The following FYB1 variants were observed in gnomAD, a reference collection of about 807,000 sequenced individuals.
FYB1 encodes FYN-binding protein 1.
FYB1 carries 41 observed loss-of-function variants against 94.1 expected under a neutral mutation model. The observed-to-expected ratio is 0.44, with a 90% CI of 0.34 to 0.57. FYB1 has a LOEUF of 0.57. FYB1 is among the 20% of genes least tolerant of loss of function. FYB1 has a pLI of 0.02. For missense variants in FYB1, 1,050 were observed against 976.8 expected, an observed-to-expected ratio of 1.07 and a Z score of -1.00; for synonymous variants, 367 against 353.2, an observed-to-expected ratio of 1.04 and a Z score of -0.44.
chr5:39,136,143 C>T (rs55701956), intron 7 of FYB1, among the ~76,000 whole-genome samples: 25,344 of 152,048 alleles, frequency 0.17, 2,505 homozygotes, highest in Non-Finnish European at 0.22. Context: ...GATCTCAGCT[C>T]ACTGCAAGCT....
intron 14 of FYB1, 57 bp from the exon 15 acceptor site, chr5:39,119,691 G>C (rs1739908324): frequency 7.2e-7 from 1 of 1,389,556 alleles, no homozygotes; most frequent in Non-Finnish European, 9.4e-7. Context: ...AAAAAGAATA[G>C]TCCATAACAG....
chr5:39,129,519 A>T (rs1269445875), intron 10 of FYB1, among the ~76,000 whole-genome samples: 1 of 152,086 alleles, frequency 6.6e-6, no homozygotes, highest in Non-Finnish European at 1.5e-5. Flanking sequence ...GAGTGAAGAG[A>T]TGGCTTGTTG....
At chr5:39,108,303 G>C in intron 17 of FYB1, 41 bp from the exon 18 acceptor site, 3 of 1,477,914 alleles carry the variant, frequency 2.0e-6, no homozygotes, top group Non-Finnish European at 2.7e-6. Flanking sequence ...AAGAAACTAT[G>C]TTCTTGGCAT....
At chr5:39,232,423 A>G (rs1437927756) in intron 1 of FYB1, among the ~76,000 whole-genome samples, 1 of 152,120 alleles carries the variant, frequency 6.6e-6, no homozygotes, top group African/African-American at 2.4e-5. Context: ...GGTCTCAGAA[A>G]TGGTATTCAG....
chr5:39,247,992 C>T (rs835189), intron 1 of FYB1, among the ~76,000 whole-genome samples: 25,487 of 151,776 alleles, frequency 0.17, 5,724 homozygotes, highest in African/African-American at 0.5. Flanking sequence ...AAAGCAAGCA[C>T]ATTGGTTACT....
At chr5:39,163,052 A>G (rs1452889674) in intron 2 of FYB1, among the ~76,000 whole-genome samples, 2 of 152,098 alleles carry the variant, frequency 1.3e-5, no homozygotes, top group Non-Finnish European at 2.9e-5. Context: ...AGATATTGTT[A>G]TGTAGGTAAA....
intron 1 of FYB1, among the ~76,000 whole-genome samples, chr5:39,248,623 G>T (rs1433027350): frequency 1.3e-5 from 2 of 152,184 alleles, no homozygotes; most frequent in Non-Finnish European, 2.9e-5. Flanking sequence ...GATCACTTGA[G>T]GTCAGGAGTT....
chr5:39,182,045 T>C (rs985559046), intron 2 of FYB1, among the ~76,000 whole-genome samples: 4 of 152,146 alleles, frequency 2.6e-5, no homozygotes, highest in Admixed American at 2.6e-4. Flanking sequence ...ACTAGAAGAA[T>C]TCTTCCCAAA....
chr5:39,216,406 A>T (rs1349436414), intron 1 of FYB1, among the ~76,000 whole-genome samples: 1 of 151,892 alleles, frequency 6.6e-6, no homozygotes, highest in African/African-American at 2.4e-5. Context: ...TTTGTTTTTA[A>T]ATTTTATTTT....
Position 39,158,158 on chromosome 5 carries a change from A to T in FYB1, c.1136-4554T>A, listed in dbSNP as rs566782975. ...TTGCAATATCTTCTAGAACACAAAA[A>T]CAATTCTTAAAAATCTAGGAAGTTA... is the stretch of plus-strand genomic sequence containing the variant. On this transcript the variant is annotated intron_variant, in intron 2 of 18. Transcript: ENST00000512982. Among the ~76,000 whole-genome samples, 13 of 152,342 alleles carry T rather than the reference A, an allele frequency of 8.5e-5. No individual in the cohort carries two copies. In the South Asian group the frequency reaches 1.2e-3, roughly 15 times the overall value.
At position 39,127,886 on chromosome 5, in the gene FYB1, A is replaced by G. The variant is rs574130733; in HGVS notation, c.1841-79T>C. 45 of 1,347,546 alleles carry G rather than the reference A, an allele frequency of 3.3e-5. No individual in the cohort carries two copies. The East Asian group carries it at 6.8e-4, about 20-fold the overall frequency. 83.5% of individuals were successfully genotyped at this position (1,347,546 alleles called of 1,614,324 possible). On this transcript the variant is annotated intron_variant, in intron 10 of 18. Transcript: ENST00000512982. ...ATGCTCACTCAGATTTTAATTGTAAATCTTCCTTATTTAACTGCAGAGAGC... is the reference window on the plus strand; with the variant it reads ...ATGCTCACTCAGATTTTAATTGTAAGTCTTCCTTATTTAACTGCAGAGAGC...
intron 1 of FYB1, among the ~76,000 whole-genome samples, chr5:39,254,147 A>C (rs1751842316): frequency 6.6e-6 from 1 of 152,208 alleles, no homozygotes; most frequent in African/African-American, 2.4e-5. Flanking sequence ...ATAGTTCTGC[A>C]AAGAACACAC....
rs548956747 is a variant in FYB1, at chr5:39,147,697, C to CTT, written c.1292+5749_1292+5750dup. Reference sequence around the variant, plus strand: ...CTGCAGATGATAAAGTCCACCTTGTCTTTTTTTTTTTTTTTTTTCTTTTTT... The same window carrying CTT: ...CTGCAGATGATAAAGTCCACCTTGTCTTTTTTTTTTTTTTTTTTTTCTTTTTT... On this transcript the variant is annotated intron_variant, in intron 3 of 18. Coordinates refer to ENST00000512982, the MANE Select transcript of FYB1 (RefSeq NM_001465.6). Among the ~76,000 whole-genome samples the CTT allele has an allele frequency of 5.4e-4, 68 of 125,438 alleles. 2 individuals are homozygous for CTT. The highest frequency in any genetic ancestry group is 5.7e-4 in the Admixed American group (7 of 12,352). The allele number at this position is 125,438 out of a possible 152,430, so 82.3% of individuals were successfully genotyped here.
intron 1 of FYB1, among the ~76,000 whole-genome samples, chr5:39,257,217 T>A: frequency 6.6e-6 from 1 of 152,236 alleles, no homozygotes; most frequent in Admixed American, 6.5e-5. Context: ...TTAAAAGGCA[T>A]ATAGTAAAAC....
chr5:39,171,133 C>CA (rs555054257), intron 2 of FYB1, among the ~76,000 whole-genome samples: 2 of 151,634 alleles, frequency 1.3e-5, no homozygotes, highest in African/African-American at 2.4e-5. Context: ...ACTAAAAATA[C>CA]AAAAAAATTA....
intron 2 of FYB1, among the ~76,000 whole-genome samples, chr5:39,198,917 T>C (rs983305342): frequency 5.3e-5 from 8 of 151,992 alleles, no homozygotes; most frequent in African/African-American, 1.9e-4. Flanking sequence ...AGGGGCACGA[T>C]GGTACATGGA....
At chr5:39,172,585 C>G (rs2150402314) in intron 2 of FYB1, among the ~76,000 whole-genome samples, 1 of 152,230 alleles carries the variant, frequency 6.6e-6, no homozygotes, top group African/African-American at 2.4e-5. Flanking sequence ...GTTCTTGAGC[C>G]CACACCTTCC....
intron 1 of FYB1, among the ~76,000 whole-genome samples, chr5:39,264,859 A>G (rs1033704710): frequency 3.9e-5 from 6 of 152,100 alleles, no homozygotes; most frequent in South Asian, 2.1e-4. Flanking sequence ...ACCTCTCTCA[A>G]GAGGATTTCT....
At chr5:39,114,209 T>G (rs1054102210) in intron 16 of FYB1, among the ~76,000 whole-genome samples, 12 of 152,174 alleles carry the variant, frequency 7.9e-5, no homozygotes, top group Admixed American at 1.3e-4. Flanking sequence ...AAAATTTTTT[T>G]CAGTGACAGG....
Sources: gnomAD v4.1 joint callset for allele counts (sites outside exome capture counted in the v4.1 genomes callset) on GRCh38, gnomAD v4.1.1 for gene constraint, MANE v1.5 for transcripts, NCBI Gene and HGNC (gene_info 2026-07-23, HGNC 2026-07-21) for gene names.